The following URB1 variants were observed in gnomAD, a reference collection of about 807,000 sequenced individuals.
URB1 encodes the protein nucleolar pre-ribosomal-associated protein 1.
In URB1, 197 loss-of-function variants were observed where a neutral mutation model predicts 242.3. The ratio of observed to expected loss-of-function variants is 0.81; its 90% CI spans 0.72 to 0.91. The LOEUF is 0.91. URB1 is among the 40% of genes least tolerant of loss of function. URB1 has a pLI of 0.00. For missense variants in URB1, 2,721 were observed against 2,860.5 expected, an observed-to-expected ratio of 0.95 and a Z score of 1.11; for synonymous variants, 1,153 against 1,201.8, an observed-to-expected ratio of 0.96 and a Z score of 0.84.
chr21:32,385,744 C>T (rs2033577157), intron 1 of URB1, 60 bp from the exon 2 acceptor site: 10 of 1,538,000 alleles, frequency 6.5e-6, no homozygotes, highest in Middle Eastern at 1.7e-4. Flanking sequence ...ACAATCACAG[C>T]CACCACTGCA....
chr21:32,324,275 C>A (rs568349357), intron 32 of URB1, among the ~76,000 whole-genome samples: 5 of 152,220 alleles, frequency 3.3e-5, no homozygotes, highest in Non-Finnish European at 7.3e-5. Flanking sequence ...ATTTCACCCC[C>A]CAGGGGTCCA....
chr21:32,311,596 C>G lies in URB1; in HGVS notation c.*3322G>C, dbSNP rs1217494591. ...TTCCCTATGGGGTCCGGGCAGATGGCAGGTGTGGCAGGAAACCCCCCAGCC... is the reference window on the plus strand; with the variant it reads ...TTCCCTATGGGGTCCGGGCAGATGGGAGGTGTGGCAGGAAACCCCCCAGCC... On this transcript the variant is annotated 3_prime_UTR_variant, in exon 39 of 39. Transcript: ENST00000382751. The G allele has an allele frequency of 6.5e-7, 1 of 1,534,644 alleles. No individual in the cohort carries two copies. Among genetic ancestry groups the G allele is most frequent in the East Asian group, 2.3e-5 (1 of 44,386 alleles).
chr21:32,375,230 C>T (rs2033446205), intron 6 of URB1, among the ~76,000 whole-genome samples, 168 bp downstream of exon 6: 1 of 152,194 alleles, frequency 6.6e-6, no homozygotes, highest in South Asian at 2.1e-4. Context: ...CCAGGATATG[C>T]TCATCAACAA....
In URB1 at chr21:32,361,927, T is replaced by A; in HGVS notation, c.1604A>T (p.Asp535Val). The stretch of plus-strand genomic sequence containing the variant: ...AGCATCGCAGGCAGCCGGGGGCCCA[T>A]CGCTCCTTTTCTGCCCTTTCTTGTC... The part of the protein sequence containing the change: ...QDDKKGQKRS[D>V]GPPAACDAHQ... The change falls in exon 12 of 39, where the codon GAT (aspartate) becomes GTT (valine). Residue 535 changes from aspartate (D) to valine (V), a missense_variant. Coordinates refer to ENST00000382751, the MANE Select transcript of URB1 (RefSeq NM_014825.3). 6.4e-7 allele frequency: 1 copy of A among 1,551,470 alleles called. No homozygotes were observed. The highest frequency in any genetic ancestry group is 8.7e-7 in the Non-Finnish European group (1 of 1,146,844).
chr21:32,347,042 A>G lies in URB1; in HGVS notation c.3782T>C (p.Leu1261Pro). The G allele has an allele frequency of 1.3e-6, 2 of 1,549,826 alleles. No homozygotes were observed. Among genetic ancestry groups the G allele is most frequent in the South Asian group, 2.4e-5 (2 of 83,960 alleles). The part of the protein sequence containing the change: ...WCLQAGPGLG[L>P]QGDLDDFLPL... ...AAGGAAGTCGTCCAGGTCCCCCTGG[A>G]GGCCGAGCCCTGGGCCAGCCTGCAG... Residue 1261 changes from leucine (L) to proline (P), a missense_variant, in exon 22 of 39, where the codon CTC becomes CCC. Physicochemically the swap from Leu to Pro is moderately conservative, Grantham distance 98. Coordinates refer to ENST00000382751, the MANE Select transcript of URB1 (RefSeq NM_014825.3).
intron 35 of URB1, among the ~76,000 whole-genome samples, chr21:32,319,882 A>C (rs1025930084): frequency 3.3e-5 from 5 of 152,250 alleles, no homozygotes; most frequent in Non-Finnish European, 5.9e-5. Context: ...TTTTAAAAAA[A>C]TGCACAAAAG....
At position 32,392,452 on chromosome 21, in the gene URB1, G is replaced by A. The variant is rs368374870; in HGVS notation, c.142+317C>T. Among the ~76,000 whole-genome samples, 7 of 152,192 alleles carry A rather than the reference G, an allele frequency of 4.6e-5. No homozygotes were observed. In the East Asian group the frequency reaches 9.6e-4, roughly 21 times the overall value. ...ACTCAGTAAGGACTCAATAGAGAAG[G>A]ACACTTCATTTACTTCCCTGACAAC... On this transcript the variant is annotated intron_variant, in intron 1 of 38. Transcript: ENST00000382751.
rs766573042 is a variant in URB1 at position 32,359,757 on chromosome 21, G to A, written c.1869+39C>T. ...GCCAAGAAGCCACCCGGCCCAGCAG[G>A]TAAGCTTAGGGCAGAAGACTGGGAG... On this transcript the variant is annotated intron_variant, in intron 14 of 38. Transcript: ENST00000382751. 1.5e-5 allele frequency: 23 copies of A among 1,494,738 alleles called. No individual in the cohort carries two copies. The South Asian group carries it at 3.0e-4, about 20-fold the overall frequency. The allele number at this position is 1,494,738 out of a possible 1,614,324, so 92.6% of individuals were successfully genotyped here. A position where few individuals can be genotyped will look rare whatever the true frequency, so the allele number is the denominator to read the frequency against.
chr21:32,377,119 G>C (rs1241831599), intron 5 of URB1: 1 of 504,492 alleles, frequency 2.0e-6, no homozygotes, highest in Non-Finnish European at 3.9e-6. Context: ...ATTTCACTGG[G>C]ATAAATGACT....
At chr21:32,347,842 C>T in intron 21 of URB1, 31 bp from the exon 22 acceptor site, 7 of 1,519,976 alleles carry the variant, frequency 4.6e-6, no homozygotes, top group Non-Finnish European at 6.2e-6. Flanking sequence ...ACAGACGTCA[C>T]ATAGAGCACA....
intron 25 of URB1, among the ~76,000 whole-genome samples, chr21:32,339,315 G>C (rs1166437904): frequency 6.6e-6 from 1 of 151,938 alleles, no homozygotes. Context: ...ATTTTATTAA[G>C]AAAATGTTCA....
chr21:32,342,697 G>GT (rs57518837), intron 24 of URB1, among the ~76,000 whole-genome samples: 5 of 147,786 alleles, frequency 3.4e-5, no homozygotes, highest in Middle Eastern at 6.8e-3. Flanking sequence ...ACCCTGGTCA[G>GT]GATCTCCTCT....
chr21:32,327,785 G>T (rs1201633494), intron 30 of URB1, among the ~76,000 whole-genome samples: 1 of 152,170 alleles, frequency 6.6e-6, no homozygotes, highest in Non-Finnish European at 1.5e-5. Flanking sequence ...ACATGAAGTG[G>T]TATCATCTCA....
chr21:32,336,587 C>T (rs2123564677), intron 28 of URB1, among the ~76,000 whole-genome samples: 1 of 152,296 alleles, frequency 6.6e-6, no homozygotes, highest in South Asian at 2.1e-4. Context: ...GACCAAAGCC[C>T]ACCTGACCAA....
At chr21:32,315,175 C>T (rs76156059) in intron 38 of URB1, 76 bp from the exon 39 acceptor site, 7 of 1,395,916 alleles carry the variant, frequency 5.0e-6, no homozygotes, top group Non-Finnish European at 6.6e-6. Context: ...GCCCACAATG[C>T]AACGGCTTTG....
rs374466622 is a variant in URB1, at chr21:32,312,006, A to T, written c.*2912T>A. On this transcript the variant is annotated 3_prime_UTR_variant, in exon 39 of 39. Transcript: ENST00000382751. ...TCAATTGCAGAGCTGATGTCAGTAA[A>T]TCGTGGCCATAGCTGAGTGAACTGG... 3.7e-5 allele frequency: 59 copies of T among 1,612,882 alleles called. No homozygotes were observed. The highest frequency in any genetic ancestry group is 4.9e-5 in the Non-Finnish European group (58 of 1,180,042).
At chr21:32,372,156 G>A (rs1016032855) in intron 8 of URB1, among the ~76,000 whole-genome samples, 4 of 152,200 alleles carry the variant, frequency 2.6e-5, no homozygotes, top group South Asian at 2.1e-4. Flanking sequence ...TGGTACCTGC[G>A]TCAGGACTGC....
intron 30 of URB1, 154 bp downstream of exon 30, chr21:32,333,162 TG>T: frequency 1.5e-6 from 1 of 667,544 alleles, no homozygotes; most frequent in Non-Finnish European, 2.6e-6. Flanking sequence ...TGAAAATCAC[TG>T]GAATGAACAG....
chr21:32,350,664 C>T (rs1175194270), intron 20 of URB1, 40 bp downstream of exon 20: 3 of 1,540,182 alleles, frequency 1.9e-6, no homozygotes, highest in Non-Finnish European at 2.6e-6. Flanking sequence ...TCTCTGGTGG[C>T]AGAGCTCTGA....
Sources: allele counts gnomAD v4.1 joint callset (sites outside exome capture counted in the v4.1 genomes callset), GRCh38; gene constraint gnomAD v4.1.1; transcripts MANE v1.5; gene names NCBI Gene and HGNC (gene_info 2026-07-23, HGNC 2026-07-21).